Variants in DST observed in about 807,000 individuals in gnomAD.
DST encodes the protein dystonin, also known as bullous pemphigoid antigen.
A neutral mutation model predicts 875.2 loss-of-function variants in DST; 253 were observed. The ratio of observed to expected loss-of-function variants is 0.29; its 90% CI spans 0.26 to 0.32. The LOEUF is 0.32. Among genes scored for constraint, DST ranks in the 10% least tolerant of loss-of-function variants. The pLI is 1.00. For synonymous variants in DST, 3,124 were observed against 3,197.1 expected (o/e 0.98, Z 0.77); for missense variants, 8,287 against 9,111.6 (o/e 0.91, Z 3.68).
intron 5 of DST, among the ~76,000 whole-genome samples, chr6:56,708,104 A>G (rs1253614591): frequency 6.6e-6 from 1 of 152,208 alleles, no homozygotes; most frequent in Non-Finnish European, 1.5e-5. Flanking sequence ...CTAAATTAGG[A>G]AAAGAGAAAA....
intron 83 of DST, among the ~76,000 whole-genome samples, chr6:56,493,322 A>T (rs1238466511): frequency 6.6e-6 from 1 of 152,210 alleles, no homozygotes; most frequent in African/African-American, 2.4e-5. Flanking sequence ...AAAAATTAAT[A>T]TACGCTAAAG....
intron 4 of DST, among the ~76,000 whole-genome samples, chr6:56,780,281 G>C (rs1477616620): frequency 6.6e-6 from 1 of 151,924 alleles, no homozygotes; most frequent in Non-Finnish European, 1.5e-5. Flanking sequence ...TCTAGTTCTA[G>C]ATCCCTGAGG....
At chr6:56,799,419 T>C (rs574159727) in intron 4 of DST, among the ~76,000 whole-genome samples, 5 of 152,072 alleles carry the variant, frequency 3.3e-5, no homozygotes, top group East Asian at 1.9e-4. Flanking sequence ...TGAATTGATA[T>C]GGCAAACTTC....
In DST at chr6:56,711,385, C is replaced by CT. The variant is rs1430922761; in HGVS notation, c.688-7017dup. On this transcript the variant is annotated intron_variant, in intron 5 of 103. Transcript: ENST00000680361. ...AAATAGGTAACTTTTCTGTAACAGT[C>CT]TGAGGTTAGGGTTGGTTGGTTCTGG... is the stretch of plus-strand genomic sequence containing the variant. Among the ~76,000 whole-genome samples the CT allele has an allele frequency of 2.0e-5, 3 of 152,040 alleles. No homozygotes were observed. The East Asian group carries it at 5.8e-4, about 29-fold the overall frequency.
At chr6:56,573,186 C>T in intron 51 of DST, 122 bp from the exon 52 acceptor site, 1 of 836,168 alleles carries the variant, frequency 1.2e-6, no homozygotes, top group Non-Finnish European at 1.8e-6. Flanking sequence ...GGAAGGTTAA[C>T]AGTTGAAACT....
rs757068475 is a variant in DST at position 56,561,488 on chromosome 6, G to A, written c.14130C>T (p.Leu4710=). ...DISHGYEDLG[L]LLKDKIAELN... ...GTTCCGCTATTTTGTCCTTGAGTAAGAGGCCAAGATCTTCATAACCATGAC... is the reference window on the plus strand; with the variant it reads ...GTTCCGCTATTTTGTCCTTGAGTAAAAGGCCAAGATCTTCATAACCATGAC... Residue 4710 remains leucine (L), a synonymous_variant, in exon 57 of 104, where the codon CTC becomes CTT. Transcript: ENST00000680361. The A allele has an allele frequency of 2.1e-5, 34 of 1,613,688 alleles. No individual in the cohort carries two copies. Among genetic ancestry groups the A allele is most frequent in the South Asian group, 9.9e-5 (9 of 91,070 alleles).
At chr6:56,570,247 G>C (rs1690599219) in intron 53 of DST, among the ~76,000 whole-genome samples, 2 of 152,050 alleles carry the variant, frequency 1.3e-5, no homozygotes, top group Non-Finnish European at 1.5e-5. Flanking sequence ...AGGGAGGGGG[G>C]ATGGTTTTGG....
intron 4 of DST, among the ~76,000 whole-genome samples, chr6:56,786,748 C>A (rs1182806603): frequency 6.6e-6 from 1 of 152,144 alleles, no homozygotes; most frequent in East Asian, 1.9e-4. Flanking sequence ...GTCTCGAACT[C>A]CTGACCTCAG....
At position 56,617,422 on chromosome 6, in the gene DST, T is replaced by C. The variant is rs943783052; in HGVS notation, c.4930-2938A>G. ...CATACTGCTTGTTCTTAGCTATCTG[T>C]AACAGGAATTTATAAAATGTTAAAA... On this transcript the variant is annotated intron_variant, in intron 36 of 103. Transcript: ENST00000680361. The C allele has an allele frequency of 2.5e-6, 4 of 1,608,996 alleles. No homozygotes were observed. In the African/African-American group the frequency reaches 5.3e-5, roughly 22 times the overall value.
rs1586806985 is a variant in DST, at chr6:56,618,692, G to C, written c.4930-4208C>G. 1 of 1,613,738 alleles carries C rather than the reference G, an allele frequency of 6.2e-7. No individual in the cohort carries two copies. On this transcript the variant is annotated intron_variant, in intron 36 of 103. Transcript: ENST00000680361. ...GGCTCTAGAGTTTTCTTGTTGAAGAGACACAAAGTCAAGCCTAATGCCTGA... is the reference window on the plus strand; with the variant it reads ...GGCTCTAGAGTTTTCTTGTTGAAGACACACAAAGTCAAGCCTAATGCCTGA...
rs574003730 is a variant in DST at position 56,836,832 on chromosome 6, C to A, written c.625+14565G>T. 2.6e-3 allele frequency among the ~76,000 whole-genome samples: 315 copies of A among 123,188 alleles called. 2 individuals carry two copies. Among genetic ancestry groups the A allele is most frequent in the Middle Eastern group, 0.024 (4 of 166 alleles). The allele number at this position is 123,188 out of a possible 152,430, so 80.8% of individuals were successfully genotyped here. On this transcript the variant is annotated intron_variant, in intron 4 of 103. Coordinates refer to ENST00000680361, the MANE Select transcript of DST (RefSeq NM_001374736.1). ...CGCCACTGCACTCCCGCCTGGGCCA[C>A]AGAGAGAGACTCCATCTCAAAAAAA...
At chr6:56,566,336 C>T (rs1241423969) in intron 55 of DST, among the ~76,000 whole-genome samples, 1 of 152,170 alleles carries the variant, frequency 6.6e-6, no homozygotes, top group Non-Finnish European at 1.5e-5. Context: ...TGCAGGCACC[C>T]GAGGGAATCT....
intron 57 of DST, 139 bp downstream of exon 57, chr6:56,561,169 A>T: frequency 1.0e-6 from 1 of 997,308 alleles, no homozygotes; most frequent in Non-Finnish European, 1.4e-6. Flanking sequence ...AAGGCACATT[A>T]AACAAAACTG....
At position 56,603,317 on chromosome 6, in the gene DST, T is replaced by C. The variant is rs1480689950; in HGVS notation, c.11045A>G (p.His3682Arg). The C allele has an allele frequency of 3.1e-6, 5 of 1,611,128 alleles. No homozygotes were observed. Among genetic ancestry groups the C allele is most frequent in the Admixed American group, 3.3e-5 (2 of 59,766 alleles). ...KSLPSDFPRG[H>R]VEELSISHQS... ...GTGGCTAATACTCAATTCTTCAACATGGCCTCTGGGAAAGTCACTGGGAAG... is the reference window on the plus strand; with the variant it reads ...GTGGCTAATACTCAATTCTTCAACACGGCCTCTGGGAAAGTCACTGGGAAG... The change falls in exon 42 of 104, where the codon CAT becomes CGT. Residue 3682 changes from histidine to arginine, a missense_variant. By Grantham distance (29) the His-to-Arg change is conservative. Transcript: ENST00000680361.
intron 60 of DST, among the ~76,000 whole-genome samples, chr6:56,555,112 C>T (rs911020819): frequency 1.3e-5 from 2 of 151,960 alleles, no homozygotes; most frequent in Admixed American, 1.3e-4. Context: ...TTTAATAGGC[C>T]TTCAGGAAGC....
At chr6:56,558,636 T>C (rs1295828896) in intron 58 of DST, among the ~76,000 whole-genome samples, 1 of 152,104 alleles carries the variant, frequency 6.6e-6, no homozygotes, top group Non-Finnish European at 1.5e-5. Context: ...AAAAAAAATG[T>C]CACTTTTAAA....
intron 89 of DST, 103 bp from the exon 90 acceptor site, chr6:56,482,281 A>C: frequency 7.5e-7 from 1 of 1,324,586 alleles, no homozygotes; most frequent in South Asian, 2.3e-5. Flanking sequence ...AATGAAAAAA[A>C]AAAAGTTTTA....
intron 67 of DST, among the ~76,000 whole-genome samples, chr6:56,528,329 T>G (rs531459018): frequency 2.6e-5 from 4 of 152,316 alleles, no homozygotes; most frequent in Admixed American, 2.0e-4. Context: ...TATAGTGAAA[T>G]TCCTATGGCC....
At chr6:56,468,573 C>G (rs1198728466) in intron 98 of DST, among the ~76,000 whole-genome samples, 1 of 152,114 alleles carries the variant, frequency 6.6e-6, no homozygotes, top group African/African-American at 2.4e-5. Flanking sequence ...TGAGGCTGAT[C>G]CTTCTCAGCT....
Sources: gnomAD v4.1 joint callset for allele counts (sites outside exome capture counted in the v4.1 genomes callset) on GRCh38, gnomAD v4.1.1 for gene constraint, MANE v1.5 for transcripts, NCBI Gene and HGNC (gene_info 2026-07-23, HGNC 2026-07-21) for gene names.